SLIT1: variants seen among roughly 807,000 people sequenced by gnomAD.
SLIT1 encodes the protein slit guidance ligand 1.
Under a neutral mutation model 186.1 loss-of-function variants are expected in SLIT1, and 66 were observed. The observed-to-expected ratio is 0.35, with a 90% confidence interval of 0.29 to 0.44. SLIT1 has a LOEUF of 0.44. SLIT1 is among the 20% of genes least tolerant of loss of function. The pLI is 1.00. For missense variants in SLIT1, 1,638 were observed against 2,037.4 expected (o/e 0.80, Z 3.77); for synonymous variants, 761 against 833.8 (o/e 0.91, Z 1.50).
At chr10:97,025,857 A>C (rs1024800868) in intron 25 of SLIT1, among the ~76,000 whole-genome samples, 1 of 152,096 alleles carries the variant, frequency 6.6e-6, no homozygotes, top group African/African-American at 2.4e-5. Flanking sequence ...AGAATCATCC[A>C]TCCCACTCCT....
Position 97,043,609 on chromosome 10 carries a change from T to A in SLIT1, c.1854-96A>T. The stretch of plus-strand genomic sequence containing the variant: ...TTCCGCCATCGTGGCTCGTTCACAG[T>A]TCTCCTCCATAGGCTGCGAGCCGCA... On this transcript the variant is annotated intron_variant, in intron 18 of 36. Coordinates refer to ENST00000266058, the MANE Select transcript of SLIT1 (RefSeq NM_003061.3). The surrounding 1 kb of genome is among the most constrained non-coding windows in gnomAD (Gnocchi z 7.0). 5 of 1,186,190 alleles carry A rather than the reference T, an allele frequency of 4.2e-6. No homozygotes were observed. Among genetic ancestry groups the A allele is most frequent in the Non-Finnish European group, 6.1e-6 (5 of 825,530 alleles). 73.5% of individuals were successfully genotyped at this position (1,186,190 alleles called of 1,614,324 possible).
intron 4 of SLIT1, among the ~76,000 whole-genome samples, chr10:97,100,090 C>T (rs1451695068): frequency 1.3e-5 from 2 of 152,206 alleles, no homozygotes; most frequent in African/African-American, 4.8e-5. Flanking sequence ...TGATGTCACA[C>T]GATTTGAGTC....
chr10:97,179,819 C>T lies in SLIT1; in HGVS notation c.197+5659G>A, dbSNP rs528183613. 6.6e-5 allele frequency among the ~76,000 whole-genome samples: 10 copies of T among 150,934 alleles called. No individual in the cohort carries two copies. The South Asian group carries it at 1.3e-3, about 19-fold the overall frequency. On this transcript the variant is annotated intron_variant, in intron 1 of 36. Transcript: ENST00000266058. ...ACACCCTCCCCGCCCCCCGGCACAG[C>T]CCAGCTCCCTGGCTACTGCCCAAGG...
At chr10:97,179,811 C>CT (rs34314501) in intron 1 of SLIT1, among the ~76,000 whole-genome samples, 1 of 149,412 alleles carries the variant, frequency 6.7e-6, no homozygotes, top group Non-Finnish European at 1.5e-5. Context: ...CCCCGCCCCC[C>CT]GGCACAGCCC....
rs1228288544 is a variant in SLIT1, at chr10:97,183,410, C to G, written c.197+2068G>C. 4.6e-5 allele frequency among the ~76,000 whole-genome samples: 7 copies of G among 152,328 alleles called. No individual in the cohort carries two copies. The East Asian group carries it at 1.3e-3, about 29-fold the overall frequency. On this transcript the variant is annotated intron_variant, in intron 1 of 36. Coordinates refer to ENST00000266058, the MANE Select transcript of SLIT1 (RefSeq NM_003061.3). The stretch of plus-strand genomic sequence containing the variant: ...CTCGTTTAGCGAGCATCAGAAGGTA[C>G]CAGGCAATTCCCATACATGATCTTC...
intron 1 of SLIT1, among the ~76,000 whole-genome samples, chr10:97,175,242 A>G (rs1209651092): frequency 6.6e-6 from 1 of 152,234 alleles, no homozygotes; most frequent in Non-Finnish European, 1.5e-5. Context: ...TTAAGGCTGA[A>G]TCATATTCTA....
chr10:97,043,433 T>A lies in SLIT1; in HGVS notation c.1934A>T (p.Tyr645Phe). ...GGATACGGTGGTGATCTGGTTGTCG[T>A]AGAGCGAGAGGAGCCGGACGTTGCG... ...GLRNVRLLSLYDNQITTVSPG... is the reference protein window; with the variant it reads ...GLRNVRLLSLFDNQITTVSPG... Residue 645 changes from tyrosine (Y) to phenylalanine (F), a missense_variant, in exon 19 of 37, where the codon TAC becomes TTC. Physicochemically the swap from Tyr to Phe is conservative, Grantham distance 22 (BLOSUM62 3). Coordinates refer to ENST00000266058, the MANE Select transcript of SLIT1 (RefSeq NM_003061.3). The surrounding 1 kb of genome is among the most constrained non-coding windows in gnomAD (Gnocchi z 7.0). The A allele has an allele frequency of 6.2e-7, 1 of 1,613,830 alleles. No homozygotes were observed. Among genetic ancestry groups the A allele is most frequent in the Non-Finnish European group, 8.5e-7 (1 of 1,179,952 alleles).
At chr10:97,120,538 G>C (rs911976621) in intron 4 of SLIT1, among the ~76,000 whole-genome samples, 1 of 152,168 alleles carries the variant, frequency 6.6e-6, no homozygotes. Context: ...TTCCTGACTC[G>C]CAATGCTGCT....
chr10:97,182,558 C>T (rs1338492015), intron 1 of SLIT1, among the ~76,000 whole-genome samples: 1 of 152,242 alleles, frequency 6.6e-6, no homozygotes, highest in Admixed American at 6.5e-5. Flanking sequence ...GCTCCCTGCG[C>T]TTTCCCAGTC....
intron 18 of SLIT1, among the ~76,000 whole-genome samples, chr10:97,044,293 G>A (rs1848716595): frequency 6.6e-6 from 1 of 152,174 alleles, no homozygotes; most frequent in African/African-American, 2.4e-5. Context: ...CTGCTTGGGA[G>A]GCTGAGGTGG....
At chr10:97,055,175 C>T (rs1049069235) in intron 13 of SLIT1, among the ~76,000 whole-genome samples, 6 of 152,130 alleles carry the variant, frequency 3.9e-5, no homozygotes, top group Admixed American at 3.9e-4. Flanking sequence ...TGAGACTGTG[C>T]CATTGCACTC....
In SLIT1 at chr10:97,047,703, A is replaced by T. The variant is rs1848746586; in HGVS notation, c.1621T>A (p.Ser541Thr). 3 of 1,613,776 alleles carry T rather than the reference A, an allele frequency of 1.9e-6. No individual in the cohort carries two copies. The highest frequency in any genetic ancestry group is 2.5e-6 in the Non-Finnish European group (3 of 1,180,000). Residue 541 changes from serine to threonine, a missense_variant, in exon 16 of 37, where the codon TCC becomes ACC. Transcript: ENST00000266058. Reference sequence around the variant, plus strand: ...AGGGACCCTCACAGTTCTGCCGTGGACTGGGGGATGCGCTCAGGGATCTTG... The same window carrying T: ...AGGGACCCTCACAGTTCTGCCGTGGTCTGGGGGATGCGCTCAGGGATCTTG... ...LTKIPERIPQSTAELRLNNNE... is the reference protein window; with the variant it reads ...LTKIPERIPQTTAELRLNNNE...
In SLIT1 at chr10:96,998,798, G is replaced by A. The variant is rs907944021; in HGVS notation, c.*2314C>T. On this transcript the variant is annotated 3_prime_UTR_variant, in exon 37 of 37. Transcript: ENST00000266058. ...GGTCAGGGGAGCCTTAAGCTCACAT[G>A]GTGCTCCCTAGGAACAAACATGCCA... 7.9e-5 allele frequency: 12 copies of A among 152,386 alleles called. No individual in the cohort carries two copies. Among genetic ancestry groups the A allele is most frequent in the African/African-American group, 2.7e-4 (11 of 41,450 alleles). 9.4% of individuals were successfully genotyped at this position (152,386 alleles called of 1,614,324 possible).
At chr10:97,172,081 C>T (rs1302611824) in intron 1 of SLIT1, among the ~76,000 whole-genome samples, 3 of 151,498 alleles carry the variant, frequency 2.0e-5, no homozygotes, top group Non-Finnish European at 4.4e-5. Flanking sequence ...CTTGCTCTGT[C>T]ACCCAGGCCA....
intron 11 of SLIT1, chr10:97,057,914 C>T: frequency 1.4e-6 from 1 of 703,952 alleles, no homozygotes; most frequent in Non-Finnish European, 2.7e-6. Flanking sequence ...GGTTGTATGC[C>T]ATTCCCAATA....
chr10:97,062,777 C>T (rs145700335), intron 8 of SLIT1, among the ~76,000 whole-genome samples: 1 of 152,340 alleles, frequency 6.6e-6, no homozygotes, highest in Non-Finnish European at 1.5e-5. Flanking sequence ...CTCAGACTCT[C>T]GACACAGTGC....
intron 4 of SLIT1, among the ~76,000 whole-genome samples, chr10:97,127,136 A>AAG (rs1178066222): frequency 1.3e-5 from 2 of 151,208 alleles, no homozygotes; most frequent in Non-Finnish European, 1.5e-5. Flanking sequence ...TAAAAAAAAA[A>AAG]CAAAAAAAAT....
At chr10:97,049,225 G>T in intron 13 of SLIT1, 107 bp from the exon 14 acceptor site, 1 of 1,358,224 alleles carries the variant, frequency 7.4e-7, no homozygotes, top group Non-Finnish European at 1.0e-6. Flanking sequence ...GGCTGCCTGT[G>T]GCCTGGAGCC....
chr10:97,077,515 G>A (rs990970926), intron 4 of SLIT1, among the ~76,000 whole-genome samples: 3 of 152,212 alleles, frequency 2.0e-5, no homozygotes, highest in African/African-American at 7.2e-5. Context: ...GCAGAGCCCT[G>A]CAGCCTGGAT....
Sources: allele counts gnomAD v4.1 joint callset (sites outside exome capture counted in the v4.1 genomes callset), GRCh38; gene constraint gnomAD v4.1.1; non-coding constraint Gnocchi (gnomAD v3.1); transcripts MANE v1.5; gene names NCBI Gene and HGNC (gene_info 2026-07-23, HGNC 2026-07-21).